Variants in COL5A2 observed in about 807,000 individuals in gnomAD.
COL5A2 encodes collagen alpha-2(V) chain.
In COL5A2, 23 loss-of-function variants were observed where a neutral mutation model predicts 208.2. The ratio of observed to expected loss-of-function variants is 0.11; its 90% CI spans 0.08 to 0.16. The LOEUF (loss-of-function observed/expected upper bound fraction) is 0.16. Ranked by LOEUF, COL5A2 falls within the 10% of genes least tolerant of loss-of-function variation. The probability of loss-of-function intolerance (pLI) is 1.00; values close to 1 mark genes in which losing one functional copy is unlikely to be tolerated. For missense variants in COL5A2, 1,590 were observed against 1,956.4 expected (o/e 0.81, Z 3.53); for synonymous variants, 625 against 628.5 (o/e 0.99, Z 0.08).
At chr2:189,265,685 C>G in the COL5A2 span, among the ~76,000 whole-genome samples, 1 of 152,048 alleles carries the variant, frequency 6.6e-6, no homozygotes, top group Non-Finnish European at 1.5e-5. Context: ...AATAATTTCA[C>G]CAAAGAAGAT....
the COL5A2 span, among the ~76,000 whole-genome samples, chr2:189,440,217 T>C: frequency 6.6e-6 from 1 of 152,246 alleles, no homozygotes; most frequent in Admixed American, 6.5e-5. Context: ...TTTGTGAATA[T>C]TGTATTTCTC....
chr2:189,204,042 C>G (rs1290460587), intron 1 of COL5A2, among the ~76,000 whole-genome samples: 1 of 152,032 alleles, frequency 6.6e-6, no homozygotes, highest in Non-Finnish European at 1.5e-5. Context: ...GGACTACAGT[C>G]GCCCGCCACC....
the COL5A2 span, among the ~76,000 whole-genome samples, chr2:189,269,259 C>CA: frequency 6.6e-6 from 1 of 152,060 alleles, no homozygotes; most frequent in Admixed American, 6.6e-5. Context: ...AACCTTCCTT[C>CA]AAAAATCTCA....
chr2:189,431,902 C>T, the COL5A2 span, among the ~76,000 whole-genome samples: 1 of 152,124 alleles, frequency 6.6e-6, no homozygotes, highest in East Asian at 1.9e-4. Context: ...TTGTCAGATT[C>T]ACCAAGGTAG....
chr2:189,365,292 A>G, the COL5A2 span, among the ~76,000 whole-genome samples: 1 of 152,210 alleles, frequency 6.6e-6, no homozygotes, highest in Non-Finnish European at 1.5e-5. Flanking sequence ...TACTCACTGA[A>G]TACTCCTCAT....
intron 1 of COL5A2, among the ~76,000 whole-genome samples, chr2:189,111,230 A>G (rs1471964572): frequency 2.0e-5 from 3 of 151,628 alleles, no homozygotes; most frequent in Non-Finnish European, 4.4e-5. Context: ...ACACACATAT[A>G]TATGTGTGTG....
intron 1 of COL5A2, among the ~76,000 whole-genome samples, chr2:189,173,325 G>A (rs953492169): frequency 6.6e-5 from 10 of 152,050 alleles, no homozygotes; most frequent in African/African-American, 2.4e-4. Flanking sequence ...TTGCTTTATT[G>A]TAATTTCCCT....
intron 35 of COL5A2, among the ~76,000 whole-genome samples, chr2:189,054,978 G>T (rs1329783801): frequency 6.6e-6 from 1 of 152,026 alleles, no homozygotes; most frequent in Non-Finnish European, 1.5e-5. Context: ...CCGCCTCCCG[G>T]GTTTGCGCCA....
rs1686117677 is a variant in COL5A2, at chr2:189,065,016, T to C, written c.1605A>G (p.Leu535=). The part of the protein sequence containing the change: ...GNRGFPGSDG[L]PGPKGAQGER... ...AGGGCAACCTCACCTTTGGCCCAGG[T>C]AAACCATCAGAGCCTGGAAAACCAC... Residue 535 remains leucine, a synonymous_variant, in exon 24 of 54, where the codon TTA becomes TTG. Coordinates refer to ENST00000374866, the MANE Select transcript of COL5A2 (RefSeq NM_000393.5). 1 of 1,613,820 alleles carries C rather than the reference T, an allele frequency of 6.2e-7. No homozygotes were observed. The highest frequency in any genetic ancestry group is 1.3e-5 in the African/African-American group (1 of 75,004).
At chr2:189,358,087 G>A in the COL5A2 span, among the ~76,000 whole-genome samples, 41 of 152,110 alleles carry the variant, frequency 2.7e-4, no homozygotes, top group East Asian at 9.7e-4. Context: ...GAGATAAACC[G>A]GGTACCTCAG....
the COL5A2 span, among the ~76,000 whole-genome samples, chr2:189,372,151 T>G: frequency 1.3e-5 from 2 of 152,284 alleles, no homozygotes. Context: ...CTCAAGAGGG[T>G]GCAAGCCTCT....
At chr2:189,426,208 G>A in the COL5A2 span, among the ~76,000 whole-genome samples, 1 of 152,142 alleles carries the variant, frequency 6.6e-6, no homozygotes, top group South Asian at 2.1e-4. Context: ...TAGTGATATG[G>A]ACAAGGAATT....
At chr2:189,392,882 A>G in the COL5A2 span, among the ~76,000 whole-genome samples, 1 of 152,334 alleles carries the variant, frequency 6.6e-6, no homozygotes, top group South Asian at 2.1e-4. Context: ...CCCTAAAGGT[A>G]CTACCAGTAG....
intron 1 of COL5A2, among the ~76,000 whole-genome samples, chr2:189,123,819 T>C (rs1687556402): frequency 6.6e-6 from 1 of 152,150 alleles, no homozygotes; most frequent in Non-Finnish European, 1.5e-5. Context: ...ACCATCCTGG[T>C]AGAGGCTTGG....
chr2:189,321,916 C>T, the COL5A2 span, among the ~76,000 whole-genome samples: 19 of 152,286 alleles, frequency 1.2e-4, no homozygotes, highest in African/African-American at 4.1e-4. Context: ...AAATTGACCA[C>T]ATAGTTGGAA....
At chr2:189,314,645 G>A in the COL5A2 span, among the ~76,000 whole-genome samples, 3 of 152,186 alleles carry the variant, frequency 2.0e-5, no homozygotes, top group Middle Eastern at 3.4e-3. Context: ...AAAAATCCAG[G>A]AGCTAGTTTT....
chr2:189,302,642 A>T, the COL5A2 span, among the ~76,000 whole-genome samples: 1 of 152,332 alleles, frequency 6.6e-6, no homozygotes, highest in East Asian at 1.9e-4. Flanking sequence ...AAATAATGAA[A>T]GGAAAATTCC....
chr2:189,073,724 G>A (rs547777213), intron 17 of COL5A2, among the ~76,000 whole-genome samples: 1 of 152,114 alleles, frequency 6.6e-6, no homozygotes, highest in South Asian at 2.1e-4. Context: ...TTAAAAGTCA[G>A]GGCACCACTA....
intron 7 of COL5A2, 95 bp downstream of exon 7, chr2:189,092,215 T>A (rs1686803356): frequency 3.7e-6 from 3 of 817,380 alleles, no homozygotes; most frequent in Admixed American, 2.0e-5. Flanking sequence ...CAGTCAAGTG[T>A]CAATATCTGA....
Sources: gnomAD v4.1 joint callset for allele counts (sites outside exome capture counted in the v4.1 genomes callset) on GRCh38, gnomAD v4.1.1 for gene constraint, MANE v1.5 for transcripts, NCBI Gene and HGNC (gene_info 2026-07-23, HGNC 2026-07-21) for gene names.